Variants in TRAF3 observed in about 807,000 individuals in gnomAD.
TRAF3 encodes TNF receptor-associated factor 3.
In TRAF3, 13 loss-of-function variants were observed where a neutral mutation model predicts 62.3. The ratio of observed to expected loss-of-function variants is 0.21; its 90% CI spans 0.14 to 0.33. The LOEUF (loss-of-function observed/expected upper bound fraction) is 0.33, where lower values mean the gene tolerates loss of function less well. Among genes scored for constraint, TRAF3 ranks in the 10% least tolerant of loss-of-function variants. The probability of loss-of-function intolerance (pLI) is 1.00; values close to 1 mark genes in which losing one functional copy is unlikely to be tolerated. For synonymous variants in TRAF3, 269 were observed against 283.4 expected (o/e 0.95, Z 0.51); for missense variants, 440 against 741.8 (o/e 0.59, Z 4.73).
At chr14:102,835,944 G>T (rs1227094974) in intron 2 of TRAF3, among the ~76,000 whole-genome samples, 2 of 152,210 alleles carry the variant, frequency 1.3e-5, no homozygotes, top group Non-Finnish European at 2.9e-5. Context: ...GATGACTCAT[G>T]CCTGGAATAC....
At chr14:102,784,433 G>T (rs902710760) in intron 1 of TRAF3, among the ~76,000 whole-genome samples, 3 of 152,034 alleles carry the variant, frequency 2.0e-5, no homozygotes, top group African/African-American at 7.2e-5. Context: ...ACGTTGGCCA[G>T]GCTGGTCTTG....
In TRAF3 at chr14:102,886,342, T is replaced by C. The variant is rs188186641; in HGVS notation, c.651+73T>C. ...GCGTGCCTGGCTCCCCTTCCCTGCA[T>C]AGCCGAAGCCTCACGTTTTCCCAGT... is the stretch of plus-strand genomic sequence containing the variant. On this transcript the variant is annotated intron_variant, in intron 7 of 11. Transcript: ENST00000392745. 12,181 of 1,322,844 alleles carry C rather than the reference T, an allele frequency of 9.2e-3. 68 individuals carry two copies. Among genetic ancestry groups the C allele is most frequent in the Non-Finnish European group, 0.011 (10,340 of 945,258 alleles). The allele number at this position is 1,322,844 out of a possible 1,614,324, so 81.9% of individuals were successfully genotyped here.
At position 102,795,598 on chromosome 14, in the gene TRAF3, A is replaced by ATGTGTGTG. The variant is rs58263343; in HGVS notation, c.-157+17938_-157+17945dup. ...TGATATGTATGCATGATATGTATAT[A>ATGTGTGTG]TGTGTGTGTGTGTGTGTGTGTGCAT... On this transcript the variant is annotated intron_variant, in intron 1 of 11. Transcript: ENST00000392745. Among the ~76,000 whole-genome samples, 664 of 149,264 alleles carry ATGTGTGTG rather than the reference A, an allele frequency of 4.4e-3. 2 individuals carry two copies. Among genetic ancestry groups the ATGTGTGTG allele is most frequent in the African/African-American group, 6.1e-3 (248 of 40,582 alleles).
intron 10 of TRAF3, among the ~76,000 whole-genome samples, chr14:102,900,180 GAAA>G (rs56203426): frequency 2.2e-5 from 2 of 91,468 alleles, no homozygotes; most frequent in African/African-American, 7.7e-5. Context: ...CTCCGTCTCG[GAAA>G]AAAAAAAAAA....
chr14:102,834,687 C>CA (rs35056615), intron 2 of TRAF3, among the ~76,000 whole-genome samples: 836 of 53,770 alleles, frequency 0.016, 20 homozygotes, highest in African/African-American at 0.025. Context: ...GACTCCGTCT[C>CA]AAAAAAAAAA....
rs550827816 is a variant in TRAF3, at chr14:102,897,565, C to T, written c.960+164C>T. Among the ~76,000 whole-genome samples the T allele has an allele frequency of 4.6e-5, 7 of 152,230 alleles. No individual in the cohort carries two copies. The South Asian group carries it at 1.5e-3, about 32-fold the overall frequency. The stretch of plus-strand genomic sequence containing the variant: ...TGAAGGCTTAGAAAAGGCAGCTGGA[C>T]TAGCACAGGCCCGGCCTGGGAAGCC... On this transcript the variant is annotated intron_variant, in intron 10 of 11. Coordinates refer to ENST00000392745, the MANE Select transcript of TRAF3 (RefSeq NM_145725.3).
At chr14:102,834,595 G>A (rs547272211) in intron 2 of TRAF3, among the ~76,000 whole-genome samples, 1 of 148,708 alleles carries the variant, frequency 6.7e-6, no homozygotes, top group African/African-American at 2.5e-5. Context: ...GGCTGAGGCA[G>A]GAGAATGGCG....
At chr14:102,876,306 C>G (rs1888642289) in intron 5 of TRAF3, 52 bp from the exon 6 acceptor site, 10 of 1,597,782 alleles carry the variant, frequency 6.3e-6, no homozygotes, top group Non-Finnish European at 7.7e-6. Flanking sequence ...TCTGGTATTT[C>G]AGATTTAGGG....
chr14:102,810,563 T>C (rs1899060131), intron 1 of TRAF3: 1 of 152,232 alleles, frequency 6.6e-6, no homozygotes, highest in African/African-American at 2.4e-5. Context: ...AGACACTGGC[T>C]CTGTGGTATT....
intron 4 of TRAF3, among the ~76,000 whole-genome samples, chr14:102,874,381 C>T (rs369371229): frequency 7.5e-4 from 114 of 152,176 alleles, no homozygotes; most frequent in African/African-American, 2.6e-3. Flanking sequence ...CTCAGCCTCC[C>T]GAGTAGCTGG....
intron 1 of TRAF3, among the ~76,000 whole-genome samples, chr14:102,821,779 C>T (rs1900001259): frequency 6.6e-6 from 1 of 152,318 alleles, no homozygotes; most frequent in African/African-American, 2.4e-5. Flanking sequence ...CACGGTGGCT[C>T]ACGCCTGTAA....
In TRAF3 at chr14:102,909,000, T is replaced by A. The variant is rs1890728685; in HGVS notation, c.*3216T>A. The A allele has an allele frequency of 1.3e-5, 2 of 152,344 alleles. No individual in the cohort carries two copies. Among genetic ancestry groups the A allele is most frequent in the Admixed American group, 1.3e-4 (2 of 15,280 alleles). The allele number at this position is 152,344 out of a possible 1,614,324, so 9.4% of individuals were successfully genotyped here. ...CCCGCGGAGCCTGCAGAGCTAGACG[T>A]TGGGGTGTGTCCGTGATGATATGGG... On this transcript the variant is annotated 3_prime_UTR_variant, in exon 12 of 12. Coordinates refer to ENST00000392745, the MANE Select transcript of TRAF3 (RefSeq NM_145725.3).
chr14:102,806,027 G>A (rs1301579094), intron 1 of TRAF3, among the ~76,000 whole-genome samples: 1 of 150,244 alleles, frequency 6.7e-6, no homozygotes, highest in African/African-American at 2.5e-5. Context: ...GGTGGGGGTG[G>A]GGTGCAGTTT....
At chr14:102,877,403 A>G (rs372661676) in intron 6 of TRAF3, among the ~76,000 whole-genome samples, 3 of 143,676 alleles carry the variant, frequency 2.1e-5, no homozygotes, top group East Asian at 2.1e-4. Context: ...AATCCGTTCC[A>G]CAGGCCTTCC....
chr14:102,904,771 C>G (rs1450303734), intron 11 of TRAF3, among the ~76,000 whole-genome samples: 1 of 144,466 alleles, frequency 6.9e-6, no homozygotes, highest in Non-Finnish European at 1.5e-5. Context: ...GATTGTGCCA[C>G]TGCACTCCAG....
intron 2 of TRAF3, among the ~76,000 whole-genome samples, chr14:102,850,843 C>T (rs191946673): frequency 2.6e-5 from 4 of 152,272 alleles, no homozygotes; most frequent in African/African-American, 7.2e-5. Flanking sequence ...ATTTTCTTAG[C>T]ACTGTCTTTG....
At chr14:102,882,002 T>C (rs1889097211) in intron 6 of TRAF3, among the ~76,000 whole-genome samples, 1 of 152,188 alleles carries the variant, frequency 6.6e-6, no homozygotes, top group Admixed American at 6.5e-5. Flanking sequence ...TAAATTGCAC[T>C]CTCTCCTTCA....
intron 3 of TRAF3, among the ~76,000 whole-genome samples, chr14:102,870,759 C>G (rs1888296053): frequency 6.6e-6 from 1 of 152,128 alleles, no homozygotes; most frequent in Admixed American, 6.5e-5. Context: ...AGGAGATACA[C>G]CAGGAAATGA....
chr14:102,787,278 T>C (rs1230525458), intron 1 of TRAF3, among the ~76,000 whole-genome samples: 1 of 152,180 alleles, frequency 6.6e-6, no homozygotes, highest in Non-Finnish European at 1.5e-5. Context: ...AAAAGGAACA[T>C]CTATAGATAT....
Sources: gnomAD v4.1 joint callset for allele counts (sites outside exome capture counted in the v4.1 genomes callset) on GRCh38, gnomAD v4.1.1 for gene constraint, MANE v1.5 for transcripts, NCBI Gene and HGNC (gene_info 2026-07-23, HGNC 2026-07-21) for gene names.